The following ABCC4 variants were observed in gnomAD, a reference collection of about 807,000 sequenced individuals.
The protein encoded by ABCC4 is ATP-binding cassette sub-family C member 4.
ABCC4 carries 102 observed loss-of-function variants against 168.5 expected under a neutral mutation model. The ratio of observed to expected loss-of-function variants is 0.61; its 90% CI spans 0.52 to 0.71. The LOEUF (loss-of-function observed/expected upper bound fraction) is 0.71. ABCC4 is among the 30% of genes least tolerant of loss of function. The pLI, the probability that ABCC4 is intolerant of heterozygous loss-of-function variation, is 0.00. For missense variants in ABCC4, 1,402 were observed against 1,605.8 expected (o/e 0.87, Z 2.17); for synonymous variants, 617 against 590.7 (o/e 1.04, Z -0.65).
At chr13:95,139,764 C>T (rs1033342298) in intron 19 of ABCC4, among the ~76,000 whole-genome samples, 2 of 152,128 alleles carry the variant, frequency 1.3e-5, no homozygotes, top group African/African-American at 4.8e-5. Context: ...GCAATTCATA[C>T]CTGTATATCT....
intron 1 of ABCC4, among the ~76,000 whole-genome samples, chr13:95,256,010 A>G (rs1329304618): frequency 6.6e-6 from 1 of 152,242 alleles, no homozygotes; most frequent in Non-Finnish European, 1.5e-5. Flanking sequence ...ATGATTAGCC[A>G]TCTTAGTCTT....
chr13:95,129,430 T>C (rs1453589164), intron 19 of ABCC4, among the ~76,000 whole-genome samples: 3 of 152,212 alleles, frequency 2.0e-5, no homozygotes, highest in Non-Finnish European at 4.4e-5. Context: ...TATTATTTTT[T>C]CAGATGGACT....
chr13:95,187,094 G>A (rs1399470488), intron 10 of ABCC4, among the ~76,000 whole-genome samples: 1 of 152,164 alleles, frequency 6.6e-6, no homozygotes, highest in Non-Finnish European at 1.5e-5. Flanking sequence ...TAACAAAATA[G>A]AGTGTAACAA....
intron 30 of ABCC4, among the ~76,000 whole-genome samples, chr13:95,033,635 C>A (rs972812988): frequency 3.3e-5 from 5 of 150,900 alleles, no homozygotes; most frequent in Admixed American, 1.3e-4. Context: ...ATTATAAATT[C>A]TTGATTTGTC....
chr13:95,293,289 C>T (rs137998141), intron 1 of ABCC4, among the ~76,000 whole-genome samples: 37 of 151,578 alleles, frequency 2.4e-4, no homozygotes, highest in Middle Eastern at 3.4e-3. Context: ...GCCCGGGAGG[C>T]GGAGGTTGTA....
Position 95,244,661 on chromosome 13 carries a change from GAA to G in ABCC4, c.306+2312_306+2313del, listed in dbSNP as rs148848336. Among the ~76,000 whole-genome samples, 142 of 18,748 alleles carry G rather than the reference GAA, an allele frequency of 7.6e-3. 47 individuals are homozygous for G. The highest frequency in any genetic ancestry group is 6.9e-3 in the Non-Finnish European group (56 of 8,164). 12.3% of individuals were successfully genotyped at this position (18,748 alleles called of 152,430 possible). On this transcript the variant is annotated intron_variant, in intron 3 of 30. Coordinates refer to ENST00000645237, the MANE Select transcript of ABCC4 (RefSeq NM_005845.5). The stretch of plus-strand genomic sequence containing the variant: ...AGAAAGAAAGAAAGAAAGAAAGAAA[GAA>G]AGAAAGAAATCATAGCAGTTCCTGG...
At chr13:95,092,904 C>A (rs774094924) in intron 20 of ABCC4, among the ~76,000 whole-genome samples, 1 of 152,102 alleles carries the variant, frequency 6.6e-6, no homozygotes, top group African/African-American at 2.4e-5. Flanking sequence ...TTCAAGGCTA[C>A]TATGAACATC....
intron 1 of ABCC4, among the ~76,000 whole-genome samples, chr13:95,288,896 T>G (rs77483771): frequency 0.023 from 3,513 of 152,360 alleles, 73 homozygotes; most frequent in Non-Finnish European, 0.03. Flanking sequence ...TTATGTTTTA[T>G]AGTTGAACAA....
intron 26 of ABCC4, among the ~76,000 whole-genome samples, chr13:95,059,202 C>G (rs143762915): frequency 6.6e-6 from 1 of 152,128 alleles, no homozygotes; most frequent in African/African-American, 2.4e-5. Flanking sequence ...TGAGATTCGC[C>G]GTAAATTCCA....
intron 3 of ABCC4, among the ~76,000 whole-genome samples, chr13:95,244,619 AAG>A (rs1491344343): frequency 4.3e-5 from 3 of 69,242 alleles, no homozygotes; most frequent in Non-Finnish European, 8.6e-5. Context: ...GAAAGAAAGA[AAG>A]AAAGAAAGAA....
chr13:95,125,724 G>A (rs1426090186), intron 19 of ABCC4, among the ~76,000 whole-genome samples: 2 of 152,186 alleles, frequency 1.3e-5, no homozygotes, highest in African/African-American at 4.8e-5. Flanking sequence ...GAAAACACCT[G>A]ATAAATTGCC....
chr13:95,062,594 G>GA (rs4148538), intron 26 of ABCC4, 110 bp downstream of exon 26: 1,630 of 1,025,214 alleles, frequency 1.6e-3, no homozygotes, highest in East Asian at 3.0e-3. Flanking sequence ...TCTATTGGGT[G>GA]AAAAAAAAAA....
At chr13:95,164,591 T>C (rs1460815902) in intron 15 of ABCC4, 73 bp from the exon 16 acceptor site, 6 of 1,530,524 alleles carry the variant, frequency 3.9e-6, no homozygotes, top group Non-Finnish European at 5.4e-6. Flanking sequence ...ATGCACTCTG[T>C]TGACAAAGCT....
chr13:95,160,526 C>G (rs551070148), intron 19 of ABCC4, among the ~76,000 whole-genome samples: 4 of 152,192 alleles, frequency 2.6e-5, no homozygotes, highest in Non-Finnish European at 4.4e-5. Context: ...AGGAAACAAG[C>G]TACTGAAGAT....
chr13:95,144,267 T>C (rs1486357319), intron 19 of ABCC4, among the ~76,000 whole-genome samples: 1 of 152,100 alleles, frequency 6.6e-6, no homozygotes, highest in East Asian at 1.9e-4. Flanking sequence ...TAAAATATTA[T>C]ACTATATAGG....
At position 95,051,498 on chromosome 13, in the gene ABCC4, A is replaced by G. The variant is rs375595246; in HGVS notation, c.3456+1597T>C. ...ATCCTCCCACCTCAACTCCCTGAGT[A>G]GCTGGGACTACAGGTGCATGCCACC... On this transcript the variant is annotated intron_variant, in intron 27 of 30. Coordinates refer to ENST00000645237, the MANE Select transcript of ABCC4 (RefSeq NM_005845.5). 5.5e-4 allele frequency among the ~76,000 whole-genome samples: 83 copies of G among 151,390 alleles called. 1 individual carries two copies. The highest frequency in any genetic ancestry group is 1.9e-3 in the African/African-American group (77 of 41,336).
chr13:95,146,288 A>C (rs2036492983), intron 19 of ABCC4, among the ~76,000 whole-genome samples: 1 of 152,160 alleles, frequency 6.6e-6, no homozygotes, highest in African/African-American at 2.4e-5. Context: ...GGATCAAAAA[A>C]TTACCTATCA....
chr13:95,046,587 A>G (rs977362887), intron 27 of ABCC4, among the ~76,000 whole-genome samples: 1 of 152,136 alleles, frequency 6.6e-6, no homozygotes, highest in Non-Finnish European at 1.5e-5. Context: ...CAACATGGTG[A>G]AATCCCATCT....
chr13:95,167,163 G>A (rs1468851543), intron 14 of ABCC4, among the ~76,000 whole-genome samples: 1 of 149,854 alleles, frequency 6.7e-6, no homozygotes, highest in Non-Finnish European at 1.5e-5. Context: ...GATGACAAGA[G>A]CGAAACTCCA....
Sources: allele counts gnomAD v4.1 joint callset (sites outside exome capture counted in the v4.1 genomes callset), GRCh38; gene constraint gnomAD v4.1.1; transcripts MANE v1.5; gene names NCBI Gene and HGNC (gene_info 2026-07-23, HGNC 2026-07-21).